M1AP: variants seen among roughly 807,000 people sequenced by gnomAD.
M1AP encodes meiosis 1 associated protein.
A neutral mutation model predicts 51.2 loss-of-function variants in M1AP; 39 were observed. The ratio of observed to expected loss-of-function variants is 0.76; its 90% CI spans 0.59 to 1.00. The LOEUF (loss-of-function observed/expected upper bound fraction) is 1.00, where lower values mean the gene tolerates loss of function less well. Ranked by LOEUF, M1AP falls within the 50% of genes least tolerant of loss-of-function variation. M1AP has a pLI of 0.00. For missense variants in M1AP, 545 were observed against 641.2 expected (o/e 0.85, Z 1.62); for synonymous variants, 251 against 249.2 (o/e 1.01, Z -0.07).
At chr2:74,576,376 C>A in intron 6 of M1AP, 80 bp downstream of exon 6, 1 of 1,409,630 alleles carries the variant, frequency 7.1e-7, no homozygotes. Context: ...TAAGAGATAC[C>A]ATCTATCTCT....
chr2:74,625,255 CT>C (rs1380953093), intron 2 of M1AP, among the ~76,000 whole-genome samples: 1 of 152,034 alleles, frequency 6.6e-6, no homozygotes, highest in African/African-American at 2.4e-5. Flanking sequence ...TCATTTTCTA[CT>C]GAGTTATTGA....
At chr2:74,604,482 C>T (rs1200318539) in intron 4 of M1AP, among the ~76,000 whole-genome samples, 1 of 152,162 alleles carries the variant, frequency 6.6e-6, no homozygotes, top group East Asian at 1.9e-4. Flanking sequence ...AATCTAGATC[C>T]CTCACATGCA....
intron 4 of M1AP, among the ~76,000 whole-genome samples, chr2:74,588,105 C>T (rs1346346881): frequency 6.6e-6 from 1 of 152,202 alleles, no homozygotes; most frequent in Non-Finnish European, 1.5e-5. Context: ...CACATCTTCC[C>T]CCGTCTCACA....
At chr2:74,573,315 A>G (rs1220145225) in intron 7 of M1AP, among the ~76,000 whole-genome samples, 2 of 149,558 alleles carry the variant, frequency 1.3e-5, no homozygotes, top group Non-Finnish European at 3.0e-5. Context: ...CGGCCTCCCA[A>G]AGTGCTGGAA....
intron 2 of M1AP, among the ~76,000 whole-genome samples, chr2:74,623,454 G>C (rs992366758): frequency 5.3e-5 from 8 of 151,300 alleles, no homozygotes; most frequent in African/African-American, 1.9e-4. Context: ...AGTAAGCTGA[G>C]ATTGTGCCAC....
intron 1 of M1AP, among the ~76,000 whole-genome samples, chr2:74,646,709 TG>T (rs1166258719): frequency 2.0e-5 from 3 of 152,200 alleles, no homozygotes; most frequent in African/African-American, 7.2e-5. Context: ...ATGTTTCTAA[TG>T]TTTTAAGTTA....
chr2:74,571,298 G>A (rs992643887), intron 7 of M1AP, among the ~76,000 whole-genome samples: 2 of 152,202 alleles, frequency 1.3e-5, no homozygotes, highest in Non-Finnish European at 2.9e-5. Context: ...GGCTGAAAGT[G>A]ACTGAGGTTT....
At chr2:74,587,993 C>G (rs943725290) in intron 4 of M1AP, among the ~76,000 whole-genome samples, 3 of 152,176 alleles carry the variant, frequency 2.0e-5, no homozygotes, top group Non-Finnish European at 4.4e-5. Flanking sequence ...GAGACTTTAA[C>G]ATACATACGT....
At chr2:74,601,661 A>G (rs1355324341) in intron 4 of M1AP, among the ~76,000 whole-genome samples, 1 of 152,188 alleles carries the variant, frequency 6.6e-6, no homozygotes, top group Non-Finnish European at 1.5e-5. Context: ...AACATATTAA[A>G]GGAAGTCCCA....
At chr2:74,576,249 C>T (rs1679057763) in intron 6 of M1AP, among the ~76,000 whole-genome samples, 1 of 152,212 alleles carries the variant, frequency 6.6e-6, no homozygotes, top group Non-Finnish European at 1.5e-5. Context: ...TGTTCTACTG[C>T]AGCGCTTCTC....
At chr2:74,581,894 G>T in intron 4 of M1AP, 47 bp from the exon 5 acceptor site, 2 of 1,541,976 alleles carry the variant, frequency 1.3e-6, no homozygotes, top group South Asian at 2.3e-5. Flanking sequence ...TGTAAATTTT[G>T]AGTAATATAA....
chr2:74,611,388 T>G (rs1318243241), intron 3 of M1AP, among the ~76,000 whole-genome samples: 1 of 152,256 alleles, frequency 6.6e-6, no homozygotes, highest in Admixed American at 6.5e-5. Flanking sequence ...TTCTATTTTT[T>G]CATGATTCAA....
intron 4 of M1AP, among the ~76,000 whole-genome samples, chr2:74,588,790 A>G (rs1298003600): frequency 6.6e-6 from 1 of 152,248 alleles, no homozygotes; most frequent in Admixed American, 6.5e-5. Context: ...AATGAGATAG[A>G]GAAAATTTAT....
At chr2:74,612,558 T>C (rs1681429319) in intron 3 of M1AP, among the ~76,000 whole-genome samples, 2 of 152,218 alleles carry the variant, frequency 1.3e-5, no homozygotes, top group African/African-American at 4.8e-5. Context: ...TCTAGTAATT[T>C]TGGGTTTAGT....
chr2:74,569,876 T>TTGTGTGTGTG (rs373202091), intron 7 of M1AP, among the ~76,000 whole-genome samples: 2 of 149,296 alleles, frequency 1.3e-5, no homozygotes, highest in South Asian at 4.2e-4. Flanking sequence ...TAGAGATAAT[T>TTGTGTGTGTG]TGTGTGTGTG....
intron 4 of M1AP, 71 bp from the exon 5 acceptor site, chr2:74,581,918 T>A (rs2104591325): frequency 7.1e-7 from 1 of 1,412,594 alleles, no homozygotes; most frequent in Non-Finnish European, 9.7e-7. Context: ...TTTGAACACA[T>A]CCATCTTTTC....
intron 2 of M1AP, chr2:74,628,410 C>T: frequency 5.2e-6 from 2 of 381,816 alleles, no homozygotes; most frequent in Non-Finnish European, 1.1e-5. Context: ...ATTATTTCTG[C>T]TGCTTACCTT....
At position 74,627,168 on chromosome 2, in the gene M1AP, T is replaced by C. The variant is rs560675733; in HGVS notation, c.241-12019A>G. Among the ~76,000 whole-genome samples, 70 of 152,278 alleles carry C rather than the reference T, an allele frequency of 4.6e-4. 1 individual carries two copies. The highest frequency in any genetic ancestry group is 1.5e-3 in the African/African-American group (62 of 41,580). ...AGGAAAACTATATATATTTATGACA[T>C]ATAACATTGTTATTAATGTAAATAT... On this transcript the variant is annotated intron_variant, in intron 2 of 10. Transcript: ENST00000421985.
chr2:74,639,968 C>G, intron 2 of M1AP, 68 bp downstream of exon 2: 1 of 1,354,428 alleles, frequency 7.4e-7, no homozygotes, highest in Non-Finnish European at 1.0e-6. Flanking sequence ...TAACTGTGAT[C>G]TCTATTCCAG....
Sources: gnomAD v4.1 joint callset for allele counts (sites outside exome capture counted in the v4.1 genomes callset) on GRCh38, gnomAD v4.1.1 for gene constraint, MANE v1.5 for transcripts, NCBI Gene and HGNC (gene_info 2026-07-23, HGNC 2026-07-21) for gene names.